TOM1: variants seen among roughly 807,000 people sequenced by gnomAD.
TOM1 encodes the protein target of Myb protein 1.
TOM1 carries 38 observed loss-of-function variants against 61.3 expected under a neutral mutation model. The observed-to-expected ratio is 0.62, with a 90% CI of 0.48 to 0.81. The LOEUF (loss-of-function observed/expected upper bound fraction) is 0.81, where lower values mean the gene tolerates loss of function less well. Ranked by LOEUF, TOM1 falls within the 40% of genes least tolerant of loss-of-function variation. The pLI, the probability that TOM1 is intolerant of heterozygous loss-of-function variation, is 0.00. For missense variants in TOM1, 591 were observed against 659.6 expected, an observed-to-expected ratio of 0.90 and a Z score of 1.14; for synonymous variants, 270 against 268.8, an observed-to-expected ratio of 1.00 and a Z score of -0.04.
intron 12 of TOM1, among the ~76,000 whole-genome samples, chr22:35,342,739 A>G (rs1033684559): frequency 1.4e-5 from 2 of 146,258 alleles, no homozygotes; most frequent in Non-Finnish European, 3.0e-5. Context: ...CCACACCTCC[A>G]CCCATAGACC....
At chr22:35,327,865 T>G (rs1269924707) in intron 7 of TOM1, among the ~76,000 whole-genome samples, 3 of 152,124 alleles carry the variant, frequency 2.0e-5, no homozygotes, top group African/African-American at 7.2e-5. Flanking sequence ...CAGGTGGAGC[T>G]AGTGGTTCCT....
intron 7 of TOM1, among the ~76,000 whole-genome samples, chr22:35,328,538 CG>C (rs1251501103): frequency 3.3e-5 from 5 of 152,204 alleles, no homozygotes; most frequent in African/African-American, 1.2e-4. Flanking sequence ...GATTTGAACC[CG>C]GGGGCCTGGC....
chr22:35,337,014 C>T (rs1257974162), intron 11 of TOM1, among the ~76,000 whole-genome samples: 1 of 150,898 alleles, frequency 6.6e-6, no homozygotes, highest in Non-Finnish European at 1.5e-5. Context: ...TTGCAGAGTG[C>T]AAGCTCCACC....
At chr22:35,338,342 C>T (rs1191636062) in intron 11 of TOM1, among the ~76,000 whole-genome samples, 1 of 152,202 alleles carries the variant, frequency 6.6e-6, no homozygotes, top group Non-Finnish European at 1.5e-5. Flanking sequence ...TCATACACAA[C>T]CACAGTCTAT....
chr22:35,345,830 G>T (rs55958250), intron 13 of TOM1, 46 bp downstream of exon 13: 22,608 of 1,600,024 alleles, frequency 0.014, 228 homozygotes, highest in Non-Finnish European at 0.016. Flanking sequence ...AGGACCCGTT[G>T]TTCTCACCAA....
intron 12 of TOM1, among the ~76,000 whole-genome samples, chr22:35,339,700 C>T (rs1030054686): frequency 1.3e-4 from 19 of 151,774 alleles, no homozygotes; most frequent in African/African-American, 2.9e-4. Context: ...GTCAGGAGAT[C>T]GAGACCATCC....
At position 35,323,461 on chromosome 22, in the gene TOM1, G is replaced by C. The variant is rs768244234; in HGVS notation, c.367-35G>C. ...AGGTGGGCAGGCTCACAGGTGAGCT[G>C]TGGTTACCGGCTGTGTCCCCTTGTC... On this transcript the variant is annotated intron_variant, in intron 4 of 14. Coordinates refer to ENST00000449058, the MANE Select transcript of TOM1 (RefSeq NM_005488.3). This position sits in a 1 kb window ranked among gnomAD's most constrained non-coding sequence, Gnocchi z 4.2. 1 of 1,611,020 alleles carries C rather than the reference G, an allele frequency of 6.2e-7. No homozygotes were observed.
At chr22:35,305,810 C>T (rs960402769) in intron 1 of TOM1, among the ~76,000 whole-genome samples, 1 of 152,142 alleles carries the variant, frequency 6.6e-6, no homozygotes, top group African/African-American at 2.4e-5. Flanking sequence ...GAACTGGCTG[C>T]CTTGTTCAGT....
intron 7 of TOM1, among the ~76,000 whole-genome samples, chr22:35,329,182 C>T (rs1928602309): frequency 6.6e-6 from 1 of 152,196 alleles, no homozygotes; most frequent in Non-Finnish European, 1.5e-5. Flanking sequence ...TCTTGAACTC[C>T]TGACCTCAGG....
At chr22:35,322,239 C>G in intron 3 of TOM1, 1 of 577,836 alleles carries the variant, frequency 1.7e-6, no homozygotes, top group Admixed American at 3.0e-5. Flanking sequence ...CCCCAATCCC[C>G]CAGCATGGGA....
chr22:35,300,916 A>G (rs1925706593), intron 1 of TOM1, among the ~76,000 whole-genome samples: 1 of 151,898 alleles, frequency 6.6e-6, no homozygotes, highest in Non-Finnish European at 1.5e-5. Context: ...CAGTTGTAAT[A>G]TTTATTATCA....
intron 9 of TOM1, 94 bp downstream of exon 9, chr22:35,333,108 T>G: frequency 3.0e-6 from 4 of 1,339,970 alleles, no homozygotes; most frequent in Non-Finnish European, 4.3e-6. Context: ...CTGGACAGGG[T>G]GGTGCTGTCT....
At chr22:35,345,666 TG>T in intron 12 of TOM1, 58 bp from the exon 13 acceptor site, 1 of 1,573,042 alleles carries the variant, frequency 6.4e-7, no homozygotes. Context: ...GGTGCTGAGC[TG>T]GCACGTCTTC....
chr22:35,323,917 A>G lies in TOM1; in HGVS notation c.648+3A>G. The stretch of plus-strand genomic sequence containing the variant: ...CCATAGCACCAACCCCGGAACAGGT[A>G]AACGAGCCTGGGGTCAGAACCGTCA... On this transcript the variant is annotated splice_donor_region_variant and intron_variant, in intron 6 of 14. Coordinates refer to ENST00000449058, the MANE Select transcript of TOM1 (RefSeq NM_005488.3). This position sits in a 1 kb window ranked among gnomAD's most constrained non-coding sequence, Gnocchi z 4.2. 1 of 1,551,538 alleles carries G rather than the reference A, an allele frequency of 6.4e-7. No individual in the cohort carries two copies. The highest frequency in any genetic ancestry group is 2.3e-5 in the East Asian group (1 of 44,226).
intron 11 of TOM1, 33 bp from the exon 12 acceptor site, chr22:35,338,680 C>T: frequency 6.6e-7 from 1 of 1,514,698 alleles, no homozygotes; most frequent in Non-Finnish European, 8.9e-7. Flanking sequence ...TCGGTAAGGG[C>T]AGCATCCAAT....
chr22:35,343,756 T>TACACACACACCCCC (rs1930229858), intron 12 of TOM1, among the ~76,000 whole-genome samples: 1 of 78,242 alleles, frequency 1.3e-5, no homozygotes, highest in Admixed American at 1.5e-4. Context: ...CACACACCCC[T>TACACACACACCCCC]ACACCTACAC....
intron 7 of TOM1, 82 bp downstream of exon 7, chr22:35,327,469 A>C: frequency 1.0e-6 from 1 of 973,014 alleles, no homozygotes; most frequent in Non-Finnish European, 1.6e-6. Flanking sequence ...TCCTCATGAC[A>C]GTCTTCATGG....
chr22:35,299,885 C>T, upstream of TOM1: 1 of 1,561,422 alleles, frequency 6.4e-7, no homozygotes. Context: ...CTGGCGGTTG[C>T]TGTCAGCTGA....
chr22:35,306,512 A>T (rs1926340950), intron 1 of TOM1, among the ~76,000 whole-genome samples: 1 of 152,170 alleles, frequency 6.6e-6, no homozygotes, highest in Non-Finnish European at 1.5e-5. Flanking sequence ...GCCCAGGGTG[A>T]GCTTGAGTCA....
Sources: allele counts gnomAD v4.1 joint callset (sites outside exome capture counted in the v4.1 genomes callset), GRCh38; gene constraint gnomAD v4.1.1; non-coding constraint Gnocchi (gnomAD v3.1); transcripts MANE v1.5; gene names NCBI Gene and HGNC (gene_info 2026-07-23, HGNC 2026-07-21).